The following GSG1L variants were observed in gnomAD, a reference collection of about 807,000 sequenced individuals.
GSG1L encodes the protein germ cell-specific gene 1-like protein.
In GSG1L, 24 loss-of-function variants were observed where a neutral mutation model predicts 42.1. The ratio of observed to expected loss-of-function variants is 0.57; its 90% confidence interval spans 0.41 to 0.80. The LOEUF (loss-of-function observed/expected upper bound fraction) is 0.80, where lower values mean the gene tolerates loss of function less well. GSG1L is among the 30% of genes least tolerant of loss of function. GSG1L has a pLI of 0.00. For synonymous variants in GSG1L, 215 were observed against 203.5 expected (o/e 1.06, Z -0.48); for missense variants, 445 against 472.2 (o/e 0.94, Z 0.53).
chr16:27,894,342 G>T (rs2084164818), intron 2 of GSG1L, among the ~76,000 whole-genome samples: 1 of 152,182 alleles, frequency 6.6e-6, no homozygotes, highest in African/African-American at 2.4e-5. Context: ...AGCCAAGGAG[G>T]ATTAGGAAAC....
chr16:27,861,952 CCTAGTGGT>C (rs1304713938), intron 3 of GSG1L, among the ~76,000 whole-genome samples: 1 of 152,170 alleles, frequency 6.6e-6, no homozygotes, highest in Non-Finnish European at 1.5e-5. Flanking sequence ...AAGCCAATGG[CCTAGTGGT>C]CTCGACTCTC....
intron 5 of GSG1L, among the ~76,000 whole-genome samples, chr16:27,809,866 T>C (rs1444243803): frequency 6.6e-6 from 1 of 152,180 alleles, no homozygotes; most frequent in African/African-American, 2.4e-5. Context: ...ACAAATGCCC[T>C]ATCTCTGTTC....
At chr16:27,876,837 T>C (rs2083893893) in intron 3 of GSG1L, among the ~76,000 whole-genome samples, 1 of 152,222 alleles carries the variant, frequency 6.6e-6, no homozygotes, top group South Asian at 2.1e-4. Flanking sequence ...AGTTACCTTG[T>C]CTTTGGTAAT....
chr16:27,817,157 C>T (rs1479666314), intron 5 of GSG1L, among the ~76,000 whole-genome samples: 3 of 152,204 alleles, frequency 2.0e-5, no homozygotes, highest in Non-Finnish European at 2.9e-5. Flanking sequence ...CTGTACCTGC[C>T]GGCCTGATTC....
At chr16:27,798,580 G>C (rs2082847388) in intron 6 of GSG1L, among the ~76,000 whole-genome samples, 1 of 152,146 alleles carries the variant, frequency 6.6e-6, no homozygotes, top group African/African-American at 2.4e-5. Flanking sequence ...ATGGAGCATC[G>C]CAGCTGCAGA....
chr16:27,996,712 A>G (rs12102570), intron 1 of GSG1L, among the ~76,000 whole-genome samples: 13,357 of 152,224 alleles, frequency 0.088, 1,866 homozygotes, highest in African/African-American at 0.3. Context: ...TGCTGTAACA[A>G]ATTAACACAA....
chr16:27,932,751 G>A (rs776650073), intron 2 of GSG1L, among the ~76,000 whole-genome samples: 1 of 152,128 alleles, frequency 6.6e-6, no homozygotes, highest in African/African-American at 2.4e-5. Context: ...CAGTGACATA[G>A]GGGCAGAGGT....
intron 2 of GSG1L, among the ~76,000 whole-genome samples, chr16:27,907,277 C>T (rs2084331017): frequency 6.6e-6 from 1 of 152,226 alleles, no homozygotes; most frequent in Non-Finnish European, 1.5e-5. Context: ...ATGGCTGACT[C>T]TTAAGAGCAT....
chr16:27,792,139 TG>T (rs1188481142), intron 6 of GSG1L, among the ~76,000 whole-genome samples: 3 of 152,140 alleles, frequency 2.0e-5, no homozygotes, highest in Non-Finnish European at 4.4e-5. Context: ...CTCCCCACCT[TG>T]CCATCTGCCC....
intron 1 of GSG1L, among the ~76,000 whole-genome samples, chr16:28,026,047 G>A (rs758122085): frequency 3.3e-5 from 5 of 152,154 alleles, no homozygotes; most frequent in African/African-American, 9.7e-5. Context: ...TGATCAACAC[G>A]TGGCTCTGGG....
At chr16:27,940,427 A>G (rs1164929984) in intron 2 of GSG1L, among the ~76,000 whole-genome samples, 1 of 145,212 alleles carries the variant, frequency 6.9e-6, no homozygotes, top group Non-Finnish European at 1.5e-5. Context: ...GGCACTATTC[A>G]CAATAGCAAA....
chr16:28,007,977 A>T (rs1459510825), intron 1 of GSG1L, among the ~76,000 whole-genome samples: 1 of 152,204 alleles, frequency 6.6e-6, no homozygotes, highest in African/African-American at 2.4e-5. Context: ...AAGTGAAAGT[A>T]CTATAGAAAC....
At chr16:27,852,352 C>T (rs1293678203) in intron 3 of GSG1L, among the ~76,000 whole-genome samples, 2 of 151,958 alleles carry the variant, frequency 1.3e-5, no homozygotes, top group Non-Finnish European at 2.9e-5. Flanking sequence ...CAGGCTTTTC[C>T]ACAGTGGTCA....
rs2084075399 is a variant in GSG1L, at chr16:27,888,504, T to TTTCTTTCC, written c.398-3867_398-3866insGGAAAGAA. ...TTTCCTTTCTTTCTTTCTTTCTTTCTTTCTTTCTTTCTTTCTTTCTTTCTT... is the reference window on the plus strand; with the variant it reads ...TTTCCTTTCTTTCTTTCTTTCTTTCTTTCTTTCCTTCTTTCTTTCTTTCTTTCTTTCTT... On this transcript the variant is annotated intron_variant, in intron 2 of 6. Coordinates refer to ENST00000447459, the MANE Select transcript of GSG1L (RefSeq NM_001109763.2). Among the ~76,000 whole-genome samples the TTTCTTTCC allele has an allele frequency of 6.3e-3, 64 of 10,162 alleles. 8 individuals carry two copies. Among genetic ancestry groups the TTTCTTTCC allele is most frequent in the Non-Finnish European group, 9.5e-3 (41 of 4,338 alleles). The allele number at this position is 10,162 out of a possible 152,430, so 6.7% of individuals were successfully genotyped here.
At position 27,808,123 on chromosome 16, in the gene GSG1L, C is replaced by T. The variant is rs774255989; in HGVS notation, c.831-569G>A. Among the ~76,000 whole-genome samples, 8 of 151,922 alleles carry T rather than the reference C, an allele frequency of 5.3e-5. No individual in the cohort carries two copies. In the South Asian group the frequency reaches 8.3e-4, roughly 16 times the overall value. On this transcript the variant is annotated intron_variant, in intron 5 of 6. Coordinates refer to ENST00000447459, the MANE Select transcript of GSG1L (RefSeq NM_001109763.2). Reference sequence around the variant, plus strand: ...CCCCAGAGACAAGGTCTCACTCTGTCGCCCAGGCTGGAGTGTAGTAGCACA... The same window carrying T: ...CCCCAGAGACAAGGTCTCACTCTGTTGCCCAGGCTGGAGTGTAGTAGCACA...
intron 1 of GSG1L, among the ~76,000 whole-genome samples, chr16:28,004,907 C>T (rs1344646416): frequency 6.6e-5 from 10 of 152,272 alleles, no homozygotes; most frequent in African/African-American, 2.2e-4. Context: ...CAAAGACTGA[C>T]GACTGCCTGG....
Position 27,888,533 on chromosome 16 carries a change from TTCTTTCTTTCTTTCTTTCTTTCTTTC to T in GSG1L, c.398-3921_398-3896del, listed in dbSNP as rs2084078656. 2.2e-4 allele frequency among the ~76,000 whole-genome samples: 6 copies of T among 27,234 alleles called. No homozygotes were observed. In the South Asian group the frequency reaches 9.3e-3, roughly 42 times the overall value. 17.9% of individuals were successfully genotyped at this position (27,234 alleles called of 152,430 possible). ...TTTCTTTCTTTCTTTCTTTCTTTCTTTCTTTCTTTCTTTCTTTCTTTCTTTCTTTCTTTCTTTCTTTCTTTCTTTCT... is the reference window on the plus strand; with the variant it reads ...TTTCTTTCTTTCTTTCTTTCTTTCTTTTTCTTTCTTTCTTTCTTTCTTTCT... On this transcript the variant is annotated intron_variant, in intron 2 of 6. Transcript: ENST00000447459.
chr16:28,027,385 C>G (rs1344061003), intron 1 of GSG1L, among the ~76,000 whole-genome samples: 1 of 152,202 alleles, frequency 6.6e-6, no homozygotes, highest in Non-Finnish European at 1.5e-5. Flanking sequence ...AAGCAGCTCT[C>G]TTCCCTCTAG....
chr16:27,949,729 T>A (rs971739134), intron 2 of GSG1L, among the ~76,000 whole-genome samples: 3 of 151,852 alleles, frequency 2.0e-5, no homozygotes, highest in African/African-American at 7.3e-5. Flanking sequence ...ATCGAGACCA[T>A]CCTGGCTAAC....
Sources: gnomAD v4.1 joint callset for allele counts (sites outside exome capture counted in the v4.1 genomes callset) on GRCh38, gnomAD v4.1.1 for gene constraint, MANE v1.5 for transcripts, NCBI Gene and HGNC (gene_info 2026-07-23, HGNC 2026-07-21) for gene names.